SLC25A21: variants seen among roughly 807,000 people sequenced by gnomAD.
SLC25A21 encodes mitochondrial 2-oxodicarboxylate carrier.
Under a neutral mutation model 43.8 loss-of-function variants are expected in SLC25A21, and 47 were observed. The observed-to-expected ratio is 1.07, with a 90% CI of 0.85 to 1.37. The LOEUF is 1.37. SLC25A21 is among the 40% of genes most tolerant of loss of function. SLC25A21 has a pLI of 0.00. For missense variants in SLC25A21, 352 were observed against 350.2 expected, an observed-to-expected ratio of 1.00 and a Z score of -0.04; for synonymous variants, 131 against 121.3, an observed-to-expected ratio of 1.08 and a Z score of -0.52.
At chr14:36,886,236 A>C (rs1890908006) in intron 1 of SLC25A21, among the ~76,000 whole-genome samples, 1 of 152,186 alleles carries the variant, frequency 6.6e-6, no homozygotes, top group African/African-American at 2.4e-5. Flanking sequence ...CAAATATATT[A>C]TACTCTCCCC....
intron 5 of SLC25A21, among the ~76,000 whole-genome samples, chr14:36,727,162 G>C (rs187485451): frequency 1.3e-5 from 2 of 152,278 alleles, no homozygotes; most frequent in African/African-American, 4.8e-5. Context: ...GAGAGGCATC[G>C]GTCAGGAGAA....
intron 3 of SLC25A21, among the ~76,000 whole-genome samples, chr14:36,753,960 A>AGAGAGAGAGAGAGAGAGAGAG (rs1491582315): frequency 1.4e-5 from 2 of 141,552 alleles, no homozygotes; most frequent in Admixed American, 6.9e-5. Flanking sequence ...AGAGAGAGAG[A>AGAGAGAGAGAGAGAGAGAGAG]AAGAGAGAGA....
At chr14:36,874,641 T>C (rs1362744363) in intron 2 of SLC25A21, among the ~76,000 whole-genome samples, 2 of 152,242 alleles carry the variant, frequency 1.3e-5, no homozygotes, top group African/African-American at 2.4e-5. Flanking sequence ...TGTGCTGTCA[T>C]AATCCACTGG....
At chr14:36,733,480 C>T (rs1395355395) in intron 4 of SLC25A21, among the ~76,000 whole-genome samples, 1 of 152,142 alleles carries the variant, frequency 6.6e-6, no homozygotes, top group Non-Finnish European at 1.5e-5. Context: ...GACTTGAATT[C>T]AATCCTATTA....
chr14:36,885,798 A>G (rs1002165648), intron 1 of SLC25A21, among the ~76,000 whole-genome samples: 7 of 152,188 alleles, frequency 4.6e-5, no homozygotes, highest in Admixed American at 2.0e-4. Flanking sequence ...CAGACCAACA[A>G]TTGGAGCATT....
At chr14:36,852,853 C>T (rs28429787) in intron 2 of SLC25A21, among the ~76,000 whole-genome samples, 14 of 152,034 alleles carry the variant, frequency 9.2e-5, no homozygotes, top group Admixed American at 9.2e-4. Context: ...ACAGGAAACA[C>T]TACTAAAATT....
chr14:37,008,938 C>G (rs566654358), intron 1 of SLC25A21, among the ~76,000 whole-genome samples: 1 of 152,208 alleles, frequency 6.6e-6, no homozygotes, highest in African/African-American at 2.4e-5. Context: ...AAATGGAAAA[C>G]CAATCTTAGT....
chr14:36,948,711 G>A (rs1187221661), intron 1 of SLC25A21, among the ~76,000 whole-genome samples: 1 of 152,066 alleles, frequency 6.6e-6, no homozygotes, highest in Non-Finnish European at 1.5e-5. Context: ...AATATGGCTA[G>A]GCTGAACTGA....
chr14:36,974,701 T>C (rs766844783), intron 1 of SLC25A21, among the ~76,000 whole-genome samples: 5 of 152,158 alleles, frequency 3.3e-5, no homozygotes, highest in Non-Finnish European at 5.9e-5. Context: ...AACCTGGAAA[T>C]TTTTGAGCCA....
chr14:36,874,686 T>A (rs957566948), intron 2 of SLC25A21, among the ~76,000 whole-genome samples: 2 of 152,346 alleles, frequency 1.3e-5, no homozygotes, highest in African/African-American at 4.8e-5. Context: ...TTGATAAATT[T>A]ACCTCATTTA....
chr14:37,090,693 A>G (rs1340878702), intron 1 of SLC25A21, among the ~76,000 whole-genome samples: 2 of 152,194 alleles, frequency 1.3e-5, no homozygotes, highest in East Asian at 3.9e-4. Context: ...TTAAAAACTG[A>G]GTTCTTTCCT....
At chr14:36,999,804 T>C (rs866721199) in intron 1 of SLC25A21, among the ~76,000 whole-genome samples, 11 of 152,186 alleles carry the variant, frequency 7.2e-5, no homozygotes, top group Middle Eastern at 3.4e-3. Flanking sequence ...TAGAAGCAGA[T>C]TGCTTGAAGG....
chr14:36,889,259 T>C (rs2138580541), intron 1 of SLC25A21, among the ~76,000 whole-genome samples: 1 of 152,356 alleles, frequency 6.6e-6, no homozygotes, highest in African/African-American at 2.4e-5. Flanking sequence ...AGATTTCTAC[T>C]AGGTGTGGAT....
At chr14:37,065,770 T>C (rs1198434583) in intron 1 of SLC25A21, among the ~76,000 whole-genome samples, 1 of 152,180 alleles carries the variant, frequency 6.6e-6, no homozygotes, top group Non-Finnish European at 1.5e-5. Flanking sequence ...ACATATATGG[T>C]AAAACAATTA....
At chr14:37,046,772 C>A (rs1241671100) in intron 1 of SLC25A21, among the ~76,000 whole-genome samples, 2 of 152,108 alleles carry the variant, frequency 1.3e-5, no homozygotes, top group African/African-American at 4.8e-5. Flanking sequence ...GTTCTATCAC[C>A]AGATTGTGCA....
In SLC25A21 at chr14:36,997,086, A is replaced by T. The variant is rs576268569; in HGVS notation, c.71-122082T>A. ...GTTCTTAGGACAAGAACCAAAGAAA[A>T]GTCAGTCAAGGATTACGATGTGGGA... On this transcript the variant is annotated intron_variant, in intron 1 of 9. Transcript: ENST00000331299. 9.2e-5 allele frequency among the ~76,000 whole-genome samples: 14 copies of T among 152,218 alleles called. No individual in the cohort carries two copies. In the South Asian group the frequency reaches 2.5e-3, roughly 27 times the overall value.
chr14:36,863,970 A>AC (rs1248297555), intron 2 of SLC25A21, among the ~76,000 whole-genome samples: 1 of 152,204 alleles, frequency 6.6e-6, no homozygotes, highest in African/African-American at 2.4e-5. Context: ...TTGCTAGCCC[A>AC]AAGAGAGGTG....
At chr14:37,138,632 A>G (rs910794217) in intron 1 of SLC25A21, among the ~76,000 whole-genome samples, 8 of 151,464 alleles carry the variant, frequency 5.3e-5, no homozygotes. Flanking sequence ...TATCTATTTC[A>G]CTCCACTCAA....
chr14:37,005,792 C>G (rs891178736), intron 1 of SLC25A21, among the ~76,000 whole-genome samples: 2 of 152,092 alleles, frequency 1.3e-5, no homozygotes, highest in African/African-American at 4.8e-5. Flanking sequence ...ATGGAAAGAA[C>G]TATAACATAA....
Sources: gnomAD v4.1 joint callset for allele counts (sites outside exome capture counted in the v4.1 genomes callset) on GRCh38, gnomAD v4.1.1 for gene constraint, MANE v1.5 for transcripts, NCBI Gene and HGNC (gene_info 2026-07-23, HGNC 2026-07-21) for gene names.